The following IL1RAPL2 variants were observed in gnomAD, a reference collection of about 807,000 sequenced individuals.
IL1RAPL2 encodes X-linked interleukin-1 receptor accessory protein-like 2.
IL1RAPL2 carries 3 observed loss-of-function variants against 44.1 expected under a neutral mutation model. That is an observed-to-expected ratio of 0.07 (90% CI 0.03 to 0.18). The LOEUF (loss-of-function observed/expected upper bound fraction) is 0.18, where lower values mean the gene tolerates loss of function less well. IL1RAPL2 is among the 10% of genes least tolerant of loss of function. The pLI, the probability that IL1RAPL2 is intolerant of heterozygous loss-of-function variation, is 1.00. For missense variants in IL1RAPL2, 391 were observed against 496.4 expected (o/e 0.79, Z 2.02); for synonymous variants, 181 against 178.8 (o/e 1.01, Z -0.10).
At position 104,906,911 on chromosome X, in the gene IL1RAPL2, G is replaced by A. The variant is rs751155435; in HGVS notation, c.82+247916G>A. ...CCTCCTTGTACCTCTCATAGAATTC[G>A]GCTGTGAATCCTTCTGGTCCTGGAC... On this transcript the variant is annotated intron_variant, in intron 2 of 10. Transcript: ENST00000372582. Among the ~76,000 whole-genome samples, 7 of 111,597 alleles carry A rather than the reference G, an allele frequency of 6.3e-5. No individual in the cohort carries two copies. The East Asian group carries it at 8.5e-4, about 14-fold the overall frequency.
intron 2 of IL1RAPL2, among the ~76,000 whole-genome samples, chrX:104,805,074 C>A (rs1319038141): frequency 8.9e-6 from 1 of 111,751 alleles, no homozygotes; most frequent in Non-Finnish European, 1.9e-5. Flanking sequence ...GTGTATACAT[C>A]CCTCTCCACC....
At chrX:105,514,827 G>T (rs1026389273) in intron 6 of IL1RAPL2, among the ~76,000 whole-genome samples, 4 of 111,809 alleles carry the variant, frequency 3.6e-5, no homozygotes, top group African/African-American at 1.3e-4. Flanking sequence ...TGTAAACAAA[G>T]GTTCTACTTT....
At chrX:105,558,852 TAAC>T (rs2036913493) in intron 6 of IL1RAPL2, among the ~76,000 whole-genome samples, 1 of 112,040 alleles carries the variant, frequency 8.9e-6, no homozygotes, top group African/African-American at 3.2e-5. Context: ...CTAAGAATAA[TAAC>T]AAATAATCAC....
intron 2 of IL1RAPL2, among the ~76,000 whole-genome samples, chrX:104,830,783 G>A (rs1050447492): frequency 6.3e-5 from 7 of 111,976 alleles, no homozygotes; most frequent in Non-Finnish European, 1.3e-4. Flanking sequence ...GAGGAAATTA[G>A]GAAAAATACA....
At chrX:104,585,320 T>TAA (rs1928514616) in intron 1 of IL1RAPL2, among the ~76,000 whole-genome samples, 2 of 20,479 alleles carry the variant, frequency 9.8e-5, no homozygotes, top group Non-Finnish European at 1.4e-4. Context: ...ATAATATATA[T>TAA]TATATATAAT....
intron 6 of IL1RAPL2, among the ~76,000 whole-genome samples, chrX:105,649,455 CAGTT>C (rs760627642): frequency 1.8e-5 from 2 of 112,264 alleles, no homozygotes; most frequent in African/African-American, 3.2e-5. Flanking sequence ...CTTGATAAAA[CAGTT>C]AGTCTATTAT....
chrX:104,702,222 G>A (rs1931287329), intron 2 of IL1RAPL2, among the ~76,000 whole-genome samples: 2 of 111,521 alleles, frequency 1.8e-5, no homozygotes, highest in African/African-American at 6.5e-5. Flanking sequence ...CTTCATGTAT[G>A]TTTGTTTTGT....
At chrX:105,392,171 T>TA (rs749870468) in intron 5 of IL1RAPL2, among the ~76,000 whole-genome samples, 28 of 104,477 alleles carry the variant, frequency 2.7e-4, no homozygotes, top group African/African-American at 4.8e-4. Flanking sequence ...AAATAAAAAA[T>TA]AAAAAAAAAA....
intron 2 of IL1RAPL2, among the ~76,000 whole-genome samples, chrX:105,144,958 A>C (rs1265291809): frequency 9.0e-6 from 1 of 111,117 alleles, no homozygotes; most frequent in Non-Finnish European, 1.9e-5. Context: ...TATAACACTT[A>C]CTATAATGCT....
intron 5 of IL1RAPL2, among the ~76,000 whole-genome samples, chrX:105,369,093 G>A (rs1395972279): frequency 1.8e-5 from 2 of 109,895 alleles, no homozygotes; most frequent in Non-Finnish European, 3.8e-5. Flanking sequence ...CCTTAATTCA[G>A]TGAGCATCTT....
intron 6 of IL1RAPL2, among the ~76,000 whole-genome samples, chrX:105,625,944 G>A (rs749095500): frequency 1.8e-5 from 2 of 111,976 alleles, no homozygotes; most frequent in Admixed American, 9.5e-5. Context: ...CAAGTTCAGT[G>A]TAACAGTATC....
intron 2 of IL1RAPL2, among the ~76,000 whole-genome samples, chrX:104,878,998 G>A (rs1001050634): frequency 1.3e-4 from 14 of 110,720 alleles, no homozygotes; most frequent in African/African-American, 4.3e-4. Flanking sequence ...TTCCAACCGA[G>A]CCAACCTCAG....
chrX:104,670,854 C>T (rs1440116708), intron 2 of IL1RAPL2, among the ~76,000 whole-genome samples: 1 of 111,329 alleles, frequency 9.0e-6, no homozygotes, highest in Non-Finnish European at 1.9e-5. Context: ...TACTTGTTTG[C>T]TTGTTTTTAG....
intron 5 of IL1RAPL2, among the ~76,000 whole-genome samples, chrX:105,424,785 TAAAA>T (rs902985393): frequency 1.9e-5 from 2 of 107,262 alleles, no homozygotes; most frequent in South Asian, 4.2e-4. Flanking sequence ...AAATAAAAAT[TAAAA>T]AAAAACAGTG....
intron 2 of IL1RAPL2, among the ~76,000 whole-genome samples, chrX:104,943,082 T>G (rs1925235472): frequency 9.0e-6 from 1 of 111,583 alleles, no homozygotes; most frequent in Non-Finnish European, 1.9e-5. Context: ...GATGTGCTGC[T>G]GGATTCGGTT....
chrX:105,099,902 C>T (rs2032651342), intron 2 of IL1RAPL2, among the ~76,000 whole-genome samples: 1 of 110,517 alleles, frequency 9.0e-6, no homozygotes, highest in South Asian at 3.9e-4. Context: ...TTGGGGATTA[C>T]ATTTCAACCT....
At chrX:105,406,243 C>T in intron 5 of IL1RAPL2, 1 of 1,108,729 alleles carries the variant, frequency 9.0e-7, no homozygotes, top group Non-Finnish European at 1.2e-6. Flanking sequence ...TGTTTAAGGA[C>T]AAAAGTGTCT....
chrX:105,265,895 G>T (rs557752305), intron 4 of IL1RAPL2, among the ~76,000 whole-genome samples: 26 of 111,276 alleles, frequency 2.3e-4, no homozygotes, highest in Middle Eastern at 4.7e-3. Flanking sequence ...TAAGATATGC[G>T]TATGGAGGCA....
chrX:105,106,573 G>A, intron 2 of IL1RAPL2, among the ~76,000 whole-genome samples: 1 of 111,132 alleles, frequency 9.0e-6, no homozygotes, highest in East Asian at 2.8e-4. Flanking sequence ...TAAGTTTAAG[G>A]TGCTGAAAGT....
Sources: gnomAD v4.1 joint callset for allele counts (sites outside exome capture counted in the v4.1 genomes callset) on GRCh38, gnomAD v4.1.1 for gene constraint, MANE v1.5 for transcripts, NCBI Gene and HGNC (gene_info 2026-07-23, HGNC 2026-07-21) for gene names.